PCDHA10: variants seen among roughly 807,000 people sequenced by gnomAD.
The protein encoded by PCDHA10 is protocadherin alpha 10.
In PCDHA10, 45 loss-of-function variants were observed where a neutral mutation model predicts 61.2. The ratio of observed to expected loss-of-function variants is 0.74; its 90% CI spans 0.58 to 0.94. The LOEUF (loss-of-function observed/expected upper bound fraction) is 0.94, where lower values mean the gene tolerates loss of function less well. Ranked by LOEUF, PCDHA10 falls within the 40% of genes least tolerant of loss-of-function variation. The pLI is 0.00. For synonymous variants in PCDHA10, 602 were observed against 548.8 expected (o/e 1.10, Z -1.35); for missense variants, 1,278 against 1,236.2 (o/e 1.03, Z -0.51).
Position 140,857,796 on chromosome 5 carries a change from C to T in PCDHA10, c.1748C>T (p.Ser583Leu), listed in dbSNP as rs1554150678. 15 of 1,597,494 alleles carry T rather than the reference C, an allele frequency of 9.4e-6. 2 individuals are homozygous for T. The highest frequency in any genetic ancestry group is 1.7e-5 in the Admixed American group (1 of 59,248). ...GCAGTCAGTGAGCTGGTGCTGCGGT[C>T]GGTGGTTGCGGGTCACGTGGTGGCT... is the stretch of plus-strand genomic sequence containing the variant. ...GGAVSELVLR[S>L]VVAGHVVAKV... Residue 583 changes from serine (S) to leucine (L), a missense_variant, in exon 1 of 4, where the codon TCG becomes TTG. Transcript: ENST00000307360.
chr5:140,868,853 G>C, intron 1 of PCDHA10: 1 of 466,576 alleles, frequency 2.1e-6, no homozygotes, highest in Non-Finnish European at 3.6e-6. Flanking sequence ...AAATTCTGTG[G>C]TGGTAAATGC....
intron 1 of PCDHA10, chr5:140,868,947 A>T: frequency 7.7e-7 from 1 of 1,290,598 alleles, no homozygotes; most frequent in Non-Finnish European, 1.1e-6. Flanking sequence ...CTGAACAGTG[A>T]GGCACTCCCA....
chr5:140,863,936 G>A (rs1554158535), intron 1 of PCDHA10: 2 of 160,752 alleles, frequency 1.2e-5, no homozygotes, highest in African/African-American at 4.8e-5. Context: ...AGGAGGCAGA[G>A]GTTGCGGTGA....
chr5:140,887,537 C>T (rs530539711), intron 1 of PCDHA10, among the ~76,000 whole-genome samples: 5 of 152,250 alleles, frequency 3.3e-5, no homozygotes, highest in Admixed American at 1.3e-4. Context: ...TTCCTCTCCC[C>T]ACCCCTCATG....
intron 1 of PCDHA10, among the ~76,000 whole-genome samples, chr5:140,937,400 T>A (rs1210509586): frequency 6.6e-6 from 1 of 152,224 alleles, no homozygotes; most frequent in Non-Finnish European, 1.5e-5. Flanking sequence ...ATAGGGGTAT[T>A]GCACAACTTT....
At chr5:140,915,266 C>T (rs1554196835) in intron 1 of PCDHA10, among the ~76,000 whole-genome samples, 1 of 151,940 alleles carries the variant, frequency 6.6e-6, no homozygotes, top group Non-Finnish European at 1.5e-5. Context: ...TTATTTTTGA[C>T]CAGTTCATCA....
At position 140,970,091 on chromosome 5, in the gene PCDHA10, G is replaced by A. The variant is rs542039822; in HGVS notation, c.2389-8858G>A. ...AATGAGTGGATTAGGGGTGTGGGGG[G>A]ATGGTGAAGACCAAGAGAAGCTGGG... On this transcript the variant is annotated intron_variant, in intron 1 of 3. Coordinates refer to ENST00000307360, the MANE Select transcript of PCDHA10 (RefSeq NM_018901.4). 3.9e-4 allele frequency among the ~76,000 whole-genome samples: 59 copies of A among 152,258 alleles called. 1 individual carries two copies. Among genetic ancestry groups the A allele is most frequent in the Admixed American group, 1.1e-3 (17 of 15,292 alleles).
intron 1 of PCDHA10, among the ~76,000 whole-genome samples, chr5:140,950,849 T>G (rs1403920591): frequency 6.6e-6 from 1 of 152,120 alleles, no homozygotes; most frequent in Non-Finnish European, 1.5e-5. Flanking sequence ...ATACATTTCT[T>G]TCATATTCTT....
rs559156187 is a variant in PCDHA10 at position 140,858,121 on chromosome 5, G to A, written c.2073G>A (p.Leu691=). Residue 691 remains leucine, a synonymous_variant, in exon 1 of 4, where the codon CTG becomes CTA. Coordinates refer to ENST00000307360, the MANE Select transcript of PCDHA10 (RefSeq NM_018901.4). ...ASVGVAPEVA[L]VDVNVYLIIA... ...TGGGCGTGGCGCCCGAGGTGGCCCTGGTGGATGTCAACGTGTACCTGATCA... is the reference window on the plus strand; with the variant it reads ...TGGGCGTGGCGCCCGAGGTGGCCCTAGTGGATGTCAACGTGTACCTGATCA... 7 of 1,597,864 alleles carry A rather than the reference G, an allele frequency of 4.4e-6. No individual in the cohort carries two copies. The South Asian group carries it at 5.5e-5, about 13-fold the overall frequency.
chr5:140,900,882 A>G (rs1453854297), intron 1 of PCDHA10, among the ~76,000 whole-genome samples: 1 of 152,044 alleles, frequency 6.6e-6, no homozygotes, highest in African/African-American at 2.4e-5. Flanking sequence ...ATTGCCTGTC[A>G]TTTGGATAAA....
intron 1 of PCDHA10, among the ~76,000 whole-genome samples, chr5:140,937,780 C>T (rs1459266022): frequency 3.3e-5 from 5 of 151,656 alleles, no homozygotes; most frequent in African/African-American, 7.3e-5. Flanking sequence ...GGCGTGGTGG[C>T]GGGCGTATGT....
chr5:140,971,919 C>G (rs529852735), intron 1 of PCDHA10, among the ~76,000 whole-genome samples: 1 of 152,162 alleles, frequency 6.6e-6, no homozygotes, highest in South Asian at 2.1e-4. Context: ...AGCCACACTG[C>G]TAGTGTTATT....
chr5:140,895,885 C>T (rs2065231883), intron 1 of PCDHA10, among the ~76,000 whole-genome samples: 1 of 152,174 alleles, frequency 6.6e-6, no homozygotes, highest in South Asian at 2.1e-4. Context: ...GATCTCGGCT[C>T]ACTGCAACCT....
At chr5:140,966,396 C>T (rs770476013) in intron 1 of PCDHA10, 11 of 405,036 alleles carry the variant, frequency 2.7e-5, no homozygotes, top group Admixed American at 4.4e-5. Flanking sequence ...TCCGCCACTT[C>T]GGCGCGGAAT....
rs1382247797 is a variant in PCDHA10 at position 141,012,282 on chromosome 5, C to T, written c.*2345C>T. 2.6e-5 allele frequency: 4 copies of T among 153,718 alleles called. No individual in the cohort carries two copies. Among genetic ancestry groups the T allele is most frequent in the Non-Finnish European group, 4.4e-5 (3 of 68,036 alleles). 9.5% of individuals were successfully genotyped at this position (153,718 alleles called of 1,614,324 possible). Reference sequence around the variant, plus strand: ...AAGGATAAAACACGTCATGTGGATTCATTTTGAATTGGTGCTATTGGTATT... The same window carrying T: ...AAGGATAAAACACGTCATGTGGATTTATTTTGAATTGGTGCTATTGGTATT... On this transcript the variant is annotated 3_prime_UTR_variant, in exon 4 of 4. Coordinates refer to ENST00000307360, the MANE Select transcript of PCDHA10 (RefSeq NM_018901.4).
intron 1 of PCDHA10, chr5:140,875,653 C>T (rs1554167829): frequency 1.2e-6 from 2 of 1,613,682 alleles, no homozygotes; most frequent in East Asian, 2.2e-5. Context: ...GGAGCTGGTG[C>T]CGCGCCTGTT....
intron 1 of PCDHA10, chr5:140,883,598 G>A: frequency 6.2e-7 from 1 of 1,614,008 alleles, no homozygotes; most frequent in Middle Eastern, 1.7e-4. Context: ...CGTGTCGGTG[G>A]GGGTGGCCGA....
intron 1 of PCDHA10, among the ~76,000 whole-genome samples, chr5:140,951,992 A>G (rs1469467629): frequency 6.6e-6 from 1 of 152,212 alleles, no homozygotes; most frequent in Non-Finnish European, 1.5e-5. Flanking sequence ...AAAACCAGCC[A>G]AAAGAAAGAA....
intron 1 of PCDHA10, chr5:140,968,754 G>T: frequency 1.2e-6 from 2 of 1,614,170 alleles, no homozygotes; most frequent in Non-Finnish European, 1.7e-6. Flanking sequence ...GTGGTGGTCC[G>T]AGATAATGGA....
Sources: allele counts gnomAD v4.1 joint callset (sites outside exome capture counted in the v4.1 genomes callset), GRCh38; gene constraint gnomAD v4.1.1; transcripts MANE v1.5; gene names NCBI Gene and HGNC (gene_info 2026-07-23, HGNC 2026-07-21).